The following ICE2 variants were observed in gnomAD, a reference collection of about 807,000 sequenced individuals.
The protein encoded by ICE2 is little elongation complex subunit 2.
A neutral mutation model predicts 105.4 loss-of-function variants in ICE2; 87 were observed. The ratio of observed to expected loss-of-function variants is 0.83; its 90% CI spans 0.69 to 0.99. The LOEUF (loss-of-function observed/expected upper bound fraction) is 0.99. Among genes scored for constraint, ICE2 ranks in the 50% least tolerant of loss-of-function variants. The pLI, the probability that ICE2 is intolerant of heterozygous loss-of-function variation, is 0.00. For synonymous variants in ICE2, 399 were observed against 392.0 expected (o/e 1.02, Z -0.21); for missense variants, 1,323 against 1,146.7 (o/e 1.15, Z -2.22).
intron 11 of ICE2, among the ~76,000 whole-genome samples, chr15:60,447,045 T>C (rs1156231522): frequency 6.6e-6 from 1 of 152,136 alleles, no homozygotes; most frequent in Non-Finnish European, 1.5e-5. Flanking sequence ...GAAAGAGAAT[T>C]TCAAATATGA....
chr15:60,467,830 T>G (rs908770906), intron 4 of ICE2, among the ~76,000 whole-genome samples: 1 of 152,248 alleles, frequency 6.6e-6, no homozygotes, highest in African/African-American at 2.4e-5. Context: ...TGTAAAATTC[T>G]ACTGCTAGTA....
chr15:60,450,563 G>A (rs1457082105), intron 9 of ICE2, among the ~76,000 whole-genome samples: 11 of 152,288 alleles, frequency 7.2e-5, no homozygotes, highest in Middle Eastern at 3.4e-3. Context: ...ATCTGACAGA[G>A]CACTTTAAAT....
intron 3 of ICE2, among the ~76,000 whole-genome samples, chr15:60,473,252 TTG>T (rs1223475801): frequency 6.6e-6 from 1 of 151,580 alleles, no homozygotes; most frequent in Non-Finnish European, 1.5e-5. Flanking sequence ...CCAAGATTAT[TTG>T]TGTGTGTGTG....
chr15:60,468,121 T>C lies in ICE2; in HGVS notation c.348A>G (p.Ala116=). Residue 116 remains alanine (A), a synonymous_variant, in exon 4 of 16, where the codon GCA becomes GCG. Coordinates refer to ENST00000261520, the MANE Select transcript of ICE2 (RefSeq NM_024611.6). ...CAGCTTTGGAATTTGCAGGAATCTT[T>C]GCGTATTTAACCAACAAGTCCACAT... ...RSYVDLLVKY[A]KIPANSKAVG... is the part of the protein sequence containing the mutation. The C allele has an allele frequency of 1.2e-6, 2 of 1,614,016 alleles. No homozygotes were observed. Among genetic ancestry groups the C allele is most frequent in the South Asian group, 2.2e-5 (2 of 91,040 alleles).
intron 2 of ICE2, 76 bp downstream of exon 2, chr15:60,477,861 G>C: frequency 7.8e-7 from 1 of 1,285,294 alleles, no homozygotes; most frequent in Non-Finnish European, 1.1e-6. Flanking sequence ...CTCTATGCCA[G>C]AAATCTATTT....
chr15:60,429,831 T>C (rs936743643), intron 14 of ICE2, among the ~76,000 whole-genome samples: 3 of 152,172 alleles, frequency 2.0e-5, no homozygotes, highest in African/African-American at 7.2e-5. Flanking sequence ...TTTCAAAGAT[T>C]GAGTTTTAAT....
intron 5 of ICE2, among the ~76,000 whole-genome samples, chr15:60,459,848 G>C (rs1180526188): frequency 6.6e-6 from 1 of 151,888 alleles, no homozygotes; most frequent in Non-Finnish European, 1.5e-5. Context: ...CCAACAGAGA[G>C]GGGGACACTA....
intron 3 of ICE2, among the ~76,000 whole-genome samples, chr15:60,470,793 A>G (rs1019158484): frequency 6.6e-6 from 1 of 152,188 alleles, no homozygotes; most frequent in Admixed American, 6.5e-5. Flanking sequence ...ATATTAAAAA[A>G]TAAATTATTT....
At position 60,453,759 on chromosome 15, in the gene ICE2, AT is replaced by A. The variant is rs2064027113; in HGVS notation, c.968del (p.Tyr323LeufsTer11). Reference sequence around the variant, plus strand: ...TCTTTTGGGGAAGTGGTGAATTAATATATATTACTTTAACTGGTTTTGAACC... The same window carrying A: ...TCTTTTGGGGAAGTGGTGAATTAATAATATTACTTTAACTGGTTTTGAACC... ...VAGSKPVKVI[Y>X]INSPLPQKKM... On this transcript the variant is annotated frameshift_variant, in exon 9 of 16. Coordinates refer to ENST00000261520, the MANE Select transcript of ICE2 (RefSeq NM_024611.6). LOFTEE classifies it high-confidence loss of function. 6.3e-7 allele frequency: 1 copy of A among 1,583,276 alleles called. No individual in the cohort carries two copies. Among genetic ancestry groups the A allele is most frequent in the African/African-American group, 1.3e-5 (1 of 74,266 alleles).
chr15:60,443,938 TAA>T (rs75673996), intron 11 of ICE2, among the ~76,000 whole-genome samples: 1 of 141,588 alleles, frequency 7.1e-6, no homozygotes, highest in Admixed American at 7.1e-5. Flanking sequence ...TACAAAAAAT[TAA>T]AAAAAAAAAA....
At chr15:60,444,899 G>T (rs2063790472) in intron 11 of ICE2, among the ~76,000 whole-genome samples, 1 of 152,084 alleles carries the variant, frequency 6.6e-6, no homozygotes, top group Admixed American at 6.5e-5. Flanking sequence ...GGGCCAGGCT[G>T]GTCTCGAACT....
intron 12 of ICE2, chr15:60,441,821 A>C (rs1232331387): frequency 6.6e-6 from 1 of 152,240 alleles, no homozygotes; most frequent in Non-Finnish European, 1.5e-5. Flanking sequence ...CCCATACCCC[A>C]GCAGAACAAC....
At chr15:60,461,643 T>C (rs749389513) in intron 5 of ICE2, among the ~76,000 whole-genome samples, 6 of 152,324 alleles carry the variant, frequency 3.9e-5, no homozygotes, top group Non-Finnish European at 7.4e-5. Flanking sequence ...AGTATTAATA[T>C]TGTTATTTTG....
intron 12 of ICE2, chr15:60,438,249 T>G (rs34160074): frequency 6.6e-6 from 1 of 152,112 alleles, no homozygotes; most frequent in African/African-American, 2.4e-5. Flanking sequence ...TGAAGACAAA[T>G]TGTTTTTATT....
intron 15 of ICE2, among the ~76,000 whole-genome samples, chr15:60,424,542 T>G (rs1293924379): frequency 2.6e-5 from 4 of 152,174 alleles, no homozygotes; most frequent in Admixed American, 1.3e-4. Context: ...AGTCTCGCTC[T>G]GTCACCCAGG....
At chr15:60,464,274 T>C (rs1026757401) in intron 5 of ICE2, among the ~76,000 whole-genome samples, 2 of 152,226 alleles carry the variant, frequency 1.3e-5, no homozygotes, top group Non-Finnish European at 2.9e-5. Flanking sequence ...CTAAGAAATA[T>C]CTACATTGAG....
chr15:60,428,503 G>A lies in ICE2; in HGVS notation c.2746C>T (p.Pro916Ser), dbSNP rs759573972. Reference protein sequence around the residue: ...WVPLDPSLLLPYHIHHGRIPC... With the variant: ...WVPLDPSLLLSYHIHHGRIPC... ...ATTCTTCCATGATGGATATGATATG[G>A]TAATAACAGGCTGGGATCTAATGGG... The change falls in exon 15 of 16, where the codon CCA (proline) becomes TCA (serine). Residue 916 changes from proline to serine, a missense_variant. Coordinates refer to ENST00000261520, the MANE Select transcript of ICE2 (RefSeq NM_024611.6). 6.2e-7 allele frequency: 1 copy of A among 1,614,090 alleles called. No homozygotes were observed. Among genetic ancestry groups the A allele is most frequent in the Non-Finnish European group, 8.5e-7 (1 of 1,179,944 alleles).
At chr15:60,427,285 C>G (rs1037059834) in intron 15 of ICE2, among the ~76,000 whole-genome samples, 13 of 152,196 alleles carry the variant, frequency 8.5e-5, no homozygotes, top group African/African-American at 2.7e-4. Context: ...GATAGATGCT[C>G]TGGGGCAACC....
At chr15:60,424,795 C>T (rs563919322) in intron 15 of ICE2, among the ~76,000 whole-genome samples, 167 of 152,288 alleles carry the variant, frequency 1.1e-3, no homozygotes, top group Middle Eastern at 3.4e-3. Context: ...CATGAGCCAC[C>T]GCGCCCAGCC....
Sources: gnomAD v4.1 joint callset for allele counts (sites outside exome capture counted in the v4.1 genomes callset) on GRCh38, gnomAD v4.1.1 for gene constraint, MANE v1.5 for transcripts, NCBI Gene and HGNC (gene_info 2026-07-23, HGNC 2026-07-21) for gene names.